MOCOS: variants seen among roughly 807,000 people sequenced by gnomAD.
The protein encoded by MOCOS is human molybdenum cofactor sulfurase.
A neutral mutation model predicts 83.6 loss-of-function variants in MOCOS; 86 were observed. The ratio of observed to expected loss-of-function variants is 1.03; its 90% CI spans 0.86 to 1.23. The LOEUF (loss-of-function observed/expected upper bound fraction) is 1.23, where lower values mean the gene tolerates loss of function less well. MOCOS is among the 50% of genes most tolerant of loss of function. The probability of loss-of-function intolerance (pLI) is 0.00; values close to 1 mark genes in which losing one functional copy is unlikely to be tolerated. For synonymous variants in MOCOS, 445 were observed against 434.7 expected (o/e 1.02, Z -0.29); for missense variants, 1,120 against 1,126.9 (o/e 0.99, Z 0.09).
intron 9 of MOCOS, among the ~76,000 whole-genome samples, chr18:36,244,158 G>C (rs959231852): frequency 2.0e-5 from 3 of 150,214 alleles, no homozygotes; most frequent in Non-Finnish European, 3.0e-5. Flanking sequence ...TTTTTTTTCT[G>C]TTTGGTTTGG....
At chr18:36,247,424 A>C (rs1871681793) in intron 9 of MOCOS, among the ~76,000 whole-genome samples, 1 of 152,134 alleles carries the variant, frequency 6.6e-6, no homozygotes. Context: ...TGCTCAGTTA[A>C]AATCATTACA....
chr18:36,198,262 G>A (rs1370395596), intron 2 of MOCOS, among the ~76,000 whole-genome samples: 1 of 152,064 alleles, frequency 6.6e-6, no homozygotes, highest in Non-Finnish European at 1.5e-5. Flanking sequence ...GTGTAGTTGT[G>A]CACACCTGTA....
intron 10 of MOCOS, among the ~76,000 whole-genome samples, chr18:36,250,571 C>T (rs1308601574): frequency 6.6e-6 from 1 of 152,192 alleles, no homozygotes; most frequent in Non-Finnish European, 1.5e-5. Flanking sequence ...CACTCTACAT[C>T]TTCTTACCAG....
chr18:36,220,319 A>G (rs1281423731), intron 9 of MOCOS, 102 bp downstream of exon 9: 5 of 1,462,656 alleles, frequency 3.4e-6, no homozygotes, highest in African/African-American at 2.8e-5. Flanking sequence ...CAGCCTGGGC[A>G]ATACAGTGAG....
rs1276799021 is a variant in MOCOS, at chr18:36,242,376, A to G, written c.1961-6546A>G. Among the ~76,000 whole-genome samples, 9 of 152,282 alleles carry G rather than the reference A, an allele frequency of 5.9e-5. No individual in the cohort carries two copies. The East Asian group carries it at 1.2e-3, about 20-fold the overall frequency. Reference sequence around the variant, plus strand: ...CCTGGACTTCACTGTCCACATCACTATCGGCATTTTGGTCAAAACCATTCA... The same window carrying G: ...CCTGGACTTCACTGTCCACATCACTGTCGGCATTTTGGTCAAAACCATTCA... On this transcript the variant is annotated intron_variant, in intron 9 of 14. Coordinates refer to ENST00000261326, the MANE Select transcript of MOCOS (RefSeq NM_017947.4).
chr18:36,202,826 G>T (rs1305919733), intron 4 of MOCOS, among the ~76,000 whole-genome samples: 1 of 152,142 alleles, frequency 6.6e-6, no homozygotes, highest in African/African-American at 2.4e-5. Context: ...ACAGAGAAGA[G>T]CCCAGGGGAA....
At chr18:36,252,613 G>A (rs931024530) in intron 11 of MOCOS, among the ~76,000 whole-genome samples, 2 of 151,976 alleles carry the variant, frequency 1.3e-5, no homozygotes, top group Non-Finnish European at 2.9e-5. Context: ...AGTCCCAGCT[G>A]CTTGGGAGAC....
chr18:36,258,677 T>C (rs936086999), intron 12 of MOCOS, among the ~76,000 whole-genome samples: 4 of 151,946 alleles, frequency 2.6e-5, no homozygotes, highest in African/African-American at 9.7e-5. Context: ...ACTTAAGCAA[T>C]TAAAAATTGA....
At position 36,251,719 on chromosome 18, in the gene MOCOS, A is replaced by G. The variant is rs73946800; in HGVS notation, c.2164+436A>G. 5.6e-3 allele frequency among the ~76,000 whole-genome samples: 846 copies of G among 152,294 alleles called. 12 individuals carry two copies. Among genetic ancestry groups the G allele is most frequent in the African/African-American group, 0.018 (753 of 41,560 alleles). On this transcript the variant is annotated intron_variant, in intron 11 of 14. Transcript: ENST00000261326. ...TGGTGCCTCAACTTCTATAGACCTC[A>G]GCTCCTCAGACTTTCAAAAGTTTCC... is the stretch of plus-strand genomic sequence containing the variant.
chr18:36,188,519 C>T (rs1379122258), intron 1 of MOCOS, among the ~76,000 whole-genome samples: 1 of 152,172 alleles, frequency 6.6e-6, no homozygotes, highest in African/African-American at 2.4e-5. Context: ...TCATCAAGCC[C>T]CAGGGCCGCG....
In MOCOS at chr18:36,205,198, C is replaced by A; in HGVS notation, c.1140C>A (p.Phe380Leu). The change falls in exon 6 of 15, where the codon TTC becomes TTA. Residue 380 changes from phenylalanine to leucine, a missense_variant. Phe to Leu is a conservative substitution (Grantham distance 22). Transcript: ENST00000261326. ...TGCGGATTTACAGCGATTCTGAGTT[C>A]AGCAGCCCTGAGGTTCAGGGCCCAA... Reference protein sequence around the residue: ...PVVRIYSDSEFSSPEVQGPII... With the variant: ...PVVRIYSDSELSSPEVQGPII... 6.2e-7 allele frequency: 1 copy of A among 1,613,906 alleles called. No individual in the cohort carries two copies.
intron 9 of MOCOS, among the ~76,000 whole-genome samples, chr18:36,225,539 A>G (rs753349320): frequency 1.3e-5 from 2 of 152,062 alleles, no homozygotes; most frequent in Non-Finnish European, 2.9e-5. Flanking sequence ...TCCATTTTTC[A>G]ATTTTATTTA....
At chr18:36,267,031 A>T (rs1220005080) in intron 14 of MOCOS, among the ~76,000 whole-genome samples, 178 bp downstream of exon 14, 1 of 143,628 alleles carries the variant, frequency 7.0e-6, no homozygotes, top group African/African-American at 2.5e-5. Context: ...TTTCCTTTCC[A>T]TCCAAGTTCT....
intron 12 of MOCOS, among the ~76,000 whole-genome samples, chr18:36,258,407 G>C (rs992934552): frequency 6.6e-6 from 1 of 152,160 alleles, no homozygotes; most frequent in African/African-American, 2.4e-5. Flanking sequence ...ATAACCCAGA[G>C]AGTTGATCCA....
rs1293052692 is a variant in MOCOS, at chr18:36,205,951, G to C, written c.1218+675G>C. On this transcript the variant is annotated intron_variant, in intron 6 of 14. Transcript: ENST00000261326. ...TACGGGGTTTCACCATTTTGGCTAG[G>C]CTGGTCTCAAACTCCTGACCTCAAG... is the stretch of plus-strand genomic sequence containing the variant. Among the ~76,000 whole-genome samples the C allele has an allele frequency of 2.6e-5, 4 of 152,234 alleles. No homozygotes were observed. In the East Asian group the frequency reaches 7.7e-4, roughly 29 times the overall value.
intron 9 of MOCOS, 47 bp from the exon 10 acceptor site, chr18:36,248,875 G>C (rs369033901): frequency 1.3e-6 from 2 of 1,502,578 alleles, no homozygotes; most frequent in Non-Finnish European, 1.9e-6. Context: ...TCAAGTAGCT[G>C]TTGTTTTTAC....
intron 13 of MOCOS, 134 bp downstream of exon 13, chr18:36,260,309 G>A (rs1369933948): frequency 3.4e-6 from 4 of 1,178,296 alleles, no homozygotes; most frequent in Non-Finnish European, 5.0e-6. Flanking sequence ...TTGGTGGGAG[G>A]TTATGTAAGC....
rs60856965 is a variant in MOCOS at position 36,210,850 on chromosome 18, C to CAAAAAAAA, written c.1219-2493_1219-2486dup. On this transcript the variant is annotated intron_variant, in intron 6 of 14. Transcript: ENST00000261326. ...TGGGTGACAGAGCAAGACTCTGTCT[C>CAAAAAAAA]AAAAAAAAAAAAAAAAAAAAAAAAA... 1.0e-3 allele frequency among the ~76,000 whole-genome samples: 50 copies of CAAAAAAAA among 48,052 alleles called. 7 individuals are homozygous for CAAAAAAAA. Among genetic ancestry groups the CAAAAAAAA allele is most frequent in the African/African-American group, 2.3e-3 (25 of 10,918 alleles). The allele number at this position is 48,052 out of a possible 152,430, so 31.5% of individuals were successfully genotyped here.
chr18:36,252,439 T>G (rs1169629624), intron 11 of MOCOS, among the ~76,000 whole-genome samples: 1 of 152,158 alleles, frequency 6.6e-6, no homozygotes, highest in Non-Finnish European at 1.5e-5. Flanking sequence ...ATGCCTATAG[T>G]CCCAGCTACT....
Sources: allele counts gnomAD v4.1 joint callset (sites outside exome capture counted in the v4.1 genomes callset), GRCh38; gene constraint gnomAD v4.1.1; transcripts MANE v1.5; gene names NCBI Gene and HGNC (gene_info 2026-07-23, HGNC 2026-07-21).